The following MTX2 variants were observed in gnomAD, a reference collection of about 807,000 sequenced individuals.
MTX2 encodes metaxin-2.
In MTX2, 35 loss-of-function variants were observed where a neutral mutation model predicts 42.3. The ratio of observed to expected loss-of-function variants is 0.83; its 90% CI spans 0.63 to 1.10. The LOEUF (loss-of-function observed/expected upper bound fraction) is 1.10. Among genes scored for constraint, MTX2 ranks in the 50% least tolerant of loss-of-function variants. MTX2 has a pLI of 0.00. For missense variants in MTX2, 307 were observed against 304.1 expected (o/e 1.01, Z -0.07); for synonymous variants, 119 against 100.9 (o/e 1.18, Z -1.08).
intron 3 of MTX2, among the ~76,000 whole-genome samples, chr2:176,305,388 T>G (rs1304410556): frequency 6.6e-6 from 1 of 152,144 alleles, no homozygotes; most frequent in East Asian, 1.9e-4. Context: ...TCTCCCCAAC[T>G]GTTCATTGAG....
intron 9 of MTX2, 28 bp downstream of exon 9, chr2:176,330,688 A>C (rs1244390951): frequency 6.6e-7 from 1 of 1,506,282 alleles, no homozygotes; most frequent in Non-Finnish European, 9.2e-7. Flanking sequence ...TTTAAAGTTA[A>C]TTTTCTGTAC....
intron 1 of MTX2, among the ~76,000 whole-genome samples, chr2:176,271,753 G>A (rs1343827898): frequency 6.6e-6 from 1 of 152,088 alleles, no homozygotes; most frequent in Non-Finnish European, 1.5e-5. Context: ...TCTACTTATG[G>A]GGGTTTATCT....
At chr2:176,303,179 A>G (rs546304930) in intron 3 of MTX2, among the ~76,000 whole-genome samples, 1 of 152,260 alleles carries the variant, frequency 6.6e-6, no homozygotes, top group East Asian at 1.9e-4. Context: ...GTAGGATGAC[A>G]TGAGTGGACA....
chr2:176,320,461 C>G (rs534161594), intron 3 of MTX2, among the ~76,000 whole-genome samples: 1 of 152,168 alleles, frequency 6.6e-6, no homozygotes, highest in South Asian at 2.1e-4. Flanking sequence ...TTATTTCAAA[C>G]TCTTTTTTGT....
At chr2:176,328,235 T>C in intron 5 of MTX2, 58 bp from the exon 6 acceptor site, 1 of 1,131,966 alleles carries the variant, frequency 8.8e-7, no homozygotes, top group East Asian at 2.6e-5. Context: ...GTGAGATAAC[T>C]GAAAGTTTTT....
intron 3 of MTX2, among the ~76,000 whole-genome samples, chr2:176,311,782 G>C (rs988347849): frequency 1.3e-5 from 2 of 152,232 alleles, no homozygotes; most frequent in African/African-American, 2.4e-5. Flanking sequence ...GGGTGGAAGT[G>C]TCCCGTTTAT....
chr2:176,287,638 A>C (rs778442325), intron 1 of MTX2, among the ~76,000 whole-genome samples: 2 of 152,206 alleles, frequency 1.3e-5, no homozygotes, highest in African/African-American at 4.8e-5. Context: ...TCAGTCAACA[A>C]GTTTCTTTTT....
intron 9 of MTX2, among the ~76,000 whole-genome samples, chr2:176,336,197 A>G (rs552253089): frequency 6.6e-6 from 1 of 152,268 alleles, no homozygotes; most frequent in African/African-American, 2.4e-5. Context: ...TGTTTTAGTA[A>G]TAGTGCATTA....
At chr2:176,312,863 C>CAAAA (rs557475003) in intron 3 of MTX2, among the ~76,000 whole-genome samples, 164 of 53,410 alleles carry the variant, frequency 3.1e-3, no homozygotes, top group Middle Eastern at 0.012. Context: ...AATGCCATCT[C>CAAAA]AAAAAAAAAA....
In MTX2 at chr2:176,296,930, A is replaced by T. The variant is rs201256652; in HGVS notation, c.88+23A>T. On this transcript the variant is annotated intron_variant, in intron 2 of 9. Transcript: ENST00000249442. ...AAGGTAAGTCTTGTTCACAATTAAA[A>T]ATGGCTTTGTATCAAACTATATTTA... 2.9e-5 allele frequency: 46 copies of T among 1,604,218 alleles called. No individual in the cohort carries two copies. The East Asian group carries it at 1.0e-3, about 36-fold the overall frequency.
At chr2:176,331,965 T>C (rs1684873645) in intron 9 of MTX2, among the ~76,000 whole-genome samples, 1 of 151,252 alleles carries the variant, frequency 6.6e-6, no homozygotes, top group Non-Finnish European at 1.5e-5. Context: ...ATTGTCATTG[T>C]GTTAGTAACC....
At chr2:176,297,700 T>C in intron 2 of MTX2, 149 bp from the exon 3 acceptor site, 1 of 394,080 alleles carries the variant, frequency 2.5e-6, no homozygotes, top group African/African-American at 2.1e-5. Flanking sequence ...TGTGATAATT[T>C]AATCAAAATT....
At chr2:176,316,531 A>G (rs10172341) in intron 3 of MTX2, among the ~76,000 whole-genome samples, 1 of 152,020 alleles carries the variant, frequency 6.6e-6, no homozygotes, top group Non-Finnish European at 1.5e-5. Context: ...CCTCCCAAGT[A>G]GCTGGGACTA....
At chr2:176,323,340 C>G (rs1684628805) in intron 3 of MTX2, 52 bp from the exon 4 acceptor site, 2 of 1,447,986 alleles carry the variant, frequency 1.4e-6, no homozygotes, top group South Asian at 1.2e-5. Context: ...AATTTCTGTT[C>G]AAATATGCAT....
chr2:176,330,337 T>C (rs751219101), intron 8 of MTX2, among the ~76,000 whole-genome samples: 40 of 145,634 alleles, frequency 2.7e-4, no homozygotes, highest in Non-Finnish European at 5.6e-4. Flanking sequence ...CAAAGTATTA[T>C]ATATATATAC....
At chr2:176,329,056 C>G (rs985886720) in intron 7 of MTX2, 144 bp downstream of exon 7, 1 of 884,556 alleles carries the variant, frequency 1.1e-6, no homozygotes, top group African/African-American at 1.7e-5. Flanking sequence ...ATTTTGCTTG[C>G]ACATAACATT....
At chr2:176,336,211 ATTATT>A (rs1435365652) in intron 9 of MTX2, among the ~76,000 whole-genome samples, 2 of 152,138 alleles carry the variant, frequency 1.3e-5, no homozygotes, top group Admixed American at 1.3e-4. Flanking sequence ...TGCATTAGTA[ATTATT>A]TTAATATAAT....
chr2:176,330,457 ATATAT>A lies in MTX2; in HGVS notation c.544-122_544-118del, dbSNP rs200475943. The A allele has an allele frequency of 5.1e-3, 2,679 of 524,234 alleles. 46 individuals carry two copies. Among genetic ancestry groups the A allele is most frequent in the East Asian group, 0.037 (1,156 of 31,366 alleles). 32.5% of individuals were successfully genotyped at this position (524,234 alleles called of 1,614,324 possible). Reference sequence around the variant, plus strand: ...ATATGTGGTCTATGGTCTTATTAAAATATATTATAAAAGGTTAACTTAAATTTATA... The same window carrying A: ...ATATGTGGTCTATGGTCTTATTAAAATATAAAAGGTTAACTTAAATTTATA... On this transcript the variant is annotated intron_variant, in intron 8 of 9. Coordinates refer to ENST00000249442, the MANE Select transcript of MTX2 (RefSeq NM_006554.5).
intron 1 of MTX2, among the ~76,000 whole-genome samples, chr2:176,277,491 C>G (rs1009358819): frequency 2.0e-5 from 3 of 152,170 alleles, no homozygotes; most frequent in African/African-American, 7.2e-5. Flanking sequence ...CAACCTCCGC[C>G]TCCTGGGTTC....
Sources: gnomAD v4.1 joint callset for allele counts (sites outside exome capture counted in the v4.1 genomes callset) on GRCh38, gnomAD v4.1.1 for gene constraint, MANE v1.5 for transcripts, NCBI Gene and HGNC (gene_info 2026-07-23, HGNC 2026-07-21) for gene names.